The following PCBP2 variants were observed in gnomAD, a reference collection of about 807,000 sequenced individuals.
PCBP2 encodes the protein poly(rC)-binding protein 2.
In PCBP2, 4 loss-of-function variants were observed where a neutral mutation model predicts 50.1. The ratio of observed to expected loss-of-function variants is 0.08; its 90% CI spans 0.04 to 0.18. PCBP2 has a LOEUF of 0.18. Ranked by LOEUF, PCBP2 falls within the 10% of genes least tolerant of loss-of-function variation. PCBP2 has a pLI of 1.00. For missense variants in PCBP2, 161 were observed against 474.3 expected (o/e 0.34, Z 6.14); for synonymous variants, 179 against 168.0 (o/e 1.07, Z -0.51).
intron 14 of PCBP2, among the ~76,000 whole-genome samples, chr12:53,473,818 TC>T (rs2137113931): frequency 1.3e-5 from 2 of 152,252 alleles, no homozygotes; most frequent in South Asian, 4.2e-4. Flanking sequence ...TTTACTGGAT[TC>T]TGAGCATTTT....
chr12:53,476,258 A>G (rs950715559), intron 14 of PCBP2, among the ~76,000 whole-genome samples: 12 of 152,192 alleles, frequency 7.9e-5, no homozygotes, highest in African/African-American at 2.7e-4. Flanking sequence ...AGGAAGTGAC[A>G]TGCTTAGATT....
At chr12:53,466,096 T>C (rs1406022086) in intron 10 of PCBP2, 123 bp downstream of exon 10, 4 of 816,408 alleles carry the variant, frequency 4.9e-6, no homozygotes, top group East Asian at 2.4e-5. Flanking sequence ...TTAAGTTGTT[T>C]TCTTCACAAG....
rs781464109 is a variant in PCBP2 at position 53,462,498 on chromosome 12, C to G, written c.510C>G (p.Pro170=). 5.0e-6 allele frequency: 8 copies of G among 1,611,734 alleles called. No homozygotes were observed. The highest frequency in any genetic ancestry group is 5.9e-6 in the Non-Finnish European group (7 of 1,178,408). The change falls in exon 8 of 15, where the codon CCC becomes CCG. Residue 170 remains proline (P), a synonymous_variant. Transcript: ENST00000546463. ...KQICVVMLES[P]PKGVTIPYRP... is the part of the protein sequence containing the mutation. ...CCCCTCTGACTCTCTCCCAGTCCCC[C>G]CCGAAGGGCGTGACCATCCCGTACC...
rs748302414 is a variant in PCBP2, at chr12:53,464,377, A to G, written c.580-383A>G. The G allele has an allele frequency of 1.7e-4, 21 of 124,360 alleles. No homozygotes were observed. In the Admixed American group the frequency reaches 2.0e-3, roughly 12 times the overall value. 7.7% of individuals were successfully genotyped at this position (124,360 alleles called of 1,614,324 possible). On this transcript the variant is annotated intron_variant, in intron 8 of 14. Coordinates refer to ENST00000546463, the MANE Select transcript of PCBP2 (RefSeq NM_031989.5). ...CGTCTAAAAATTTGCAGCTTCTTCT[A>G]TGAGTGGCCCTGTCATGGATTGTTC...
chr12:53,467,941 T>G, intron 12 of PCBP2, 98 bp downstream of exon 12: 2 of 961,366 alleles, frequency 2.1e-6, no homozygotes, highest in Non-Finnish European at 3.3e-6. Flanking sequence ...ACCAGCAACA[T>G]GCACATGGCA....
rs1940571938 is a variant in PCBP2 at position 53,452,174 on chromosome 12, C to CCCGCCCGCCCTCCG, written c.-271_-258dup. ...CTCCCGCCCGCCCGCCCTCCGCCCG[C>CCCGCCCGCCCTCCG]CCGCCCGCCCTCCGCCGCCCTCCAC... is the stretch of plus-strand genomic sequence containing the variant. On this transcript the variant is annotated 5_prime_UTR_variant, in exon 1 of 15. Transcript: ENST00000546463. The CCCGCCCGCCCTCCG allele has an allele frequency of 7.0e-6, 1 of 142,698 alleles. No individual in the cohort carries two copies. Among genetic ancestry groups the CCCGCCCGCCCTCCG allele is most frequent in the Non-Finnish European group, 1.6e-5 (1 of 64,188 alleles). The allele number at this position is 142,698 out of a possible 1,614,324, so 8.8% of individuals were successfully genotyped here.
At chr12:53,463,189 T>TA (rs972376230) in intron 8 of PCBP2, among the ~76,000 whole-genome samples, 4 of 152,164 alleles carry the variant, frequency 2.6e-5, no homozygotes, top group Admixed American at 6.5e-5. Context: ...CCTTTGGTGT[T>TA]AGAGTAAGAA....
intron 14 of PCBP2, among the ~76,000 whole-genome samples, chr12:53,472,744 C>T (rs1014730913): frequency 1.2e-4 from 19 of 152,090 alleles, no homozygotes; most frequent in Admixed American, 4.6e-4. Flanking sequence ...TTGTACTGAC[C>T]ATGTATATAT....
intron 14 of PCBP2, chr12:53,474,786 A>C (rs1249279836): frequency 2.9e-6 from 1 of 348,502 alleles, no homozygotes; most frequent in Non-Finnish European, 5.7e-6. Context: ...TAACTGAAGC[A>C]GTTTTTGTCC....
intron 1 of PCBP2, chr12:53,452,862 G>C (rs1160919346): frequency 6.6e-6 from 1 of 152,138 alleles, no homozygotes; most frequent in Non-Finnish European, 1.5e-5. Flanking sequence ...GGGAAGGGGG[G>C]GCTTTTTTTC....
At chr12:53,458,064 G>A (rs1182781791) in intron 5 of PCBP2, among the ~76,000 whole-genome samples, 1 of 150,280 alleles carries the variant, frequency 6.7e-6, no homozygotes, top group African/African-American at 2.4e-5. Context: ...CAGTAGCTGG[G>A]ATTATAGGCG....
intron 2 of PCBP2, 76 bp downstream of exon 2, chr12:53,454,945 A>C: frequency 8.3e-7 from 1 of 1,209,170 alleles, no homozygotes; most frequent in Non-Finnish European, 1.2e-6. Context: ...TGCATCTTGG[A>C]GCTCATCAGA....
chr12:53,452,644 A>T (rs566027637), intron 1 of PCBP2, among the ~76,000 whole-genome samples: 69 of 127,596 alleles, frequency 5.4e-4, no homozygotes, highest in Non-Finnish European at 9.9e-4. Context: ...CGCGCGCGGT[A>T]GGGGGGGCGG....
chr12:53,468,801 C>G lies in PCBP2; in HGVS notation c.851C>G (p.Thr284Ser). ...GCAGGTTTGGATGCATCTGCTCAGA[C>G]TACTTCTCATGAACTCACCATTCCA... ...YWAGLDASAQTTSHELTIPND... is the reference protein window; with the variant it reads ...YWAGLDASAQSTSHELTIPND... Residue 284 changes from threonine (T) to serine (S), a missense_variant, in exon 13 of 15, where the codon ACT (threonine) becomes AGT (serine). Physicochemically the swap from Thr to Ser is moderately conservative, Grantham distance 58. This residue lies in a region of PCBP2 where 51 missense variants were observed against 193.0 expected (regional missense o/e 0.26). Coordinates refer to ENST00000546463, the MANE Select transcript of PCBP2 (RefSeq NM_031989.5). 1 of 1,613,672 alleles carries G rather than the reference C, an allele frequency of 6.2e-7. No homozygotes were observed. Among genetic ancestry groups the G allele is most frequent in the Non-Finnish European group, 8.5e-7 (1 of 1,179,640 alleles).
At chr12:53,476,333 AAT>A (rs1226462404) in intron 14 of PCBP2, among the ~76,000 whole-genome samples, 2 of 152,252 alleles carry the variant, frequency 1.3e-5, no homozygotes, top group African/African-American at 2.4e-5. Flanking sequence ...CAGATTAAAA[AAT>A]AGAGGCCCTA....
chr12:53,456,578 G>C (rs1462520280), intron 5 of PCBP2, among the ~76,000 whole-genome samples: 1 of 152,176 alleles, frequency 6.6e-6, no homozygotes, highest in East Asian at 1.9e-4. Context: ...TAAAAGGCTT[G>C]AGTATATACC....
At chr12:53,475,091 C>T (rs1353821355) in intron 14 of PCBP2, 2 of 456,546 alleles carry the variant, frequency 4.4e-6, no homozygotes, top group Non-Finnish European at 8.8e-6. Flanking sequence ...CCATCCCTCT[C>T]CTGGCTCTAA....
Position 53,452,144 on chromosome 12 carries a change from GC to G in PCBP2, c.-305del, listed in dbSNP as rs2137000986. The G allele has an allele frequency of 7.0e-6, 1 of 141,868 alleles. No individual in the cohort carries two copies. Among genetic ancestry groups the G allele is most frequent in the East Asian group, 2.1e-4 (1 of 4,786 alleles). 8.8% of individuals were successfully genotyped at this position (141,868 alleles called of 1,614,324 possible). A position where few individuals can be genotyped will look rare whatever the true frequency, so the allele number is the denominator to read the frequency against. ...AGCAGCCGGAGCAGCCGCAGCCTGCGCCCTCTCCCGCCCGCCCGCCCTCCGC... is the reference window on the plus strand; with the variant it reads ...AGCAGCCGGAGCAGCCGCAGCCTGCGCCTCTCCCGCCCGCCCGCCCTCCGC... On this transcript the variant is annotated 5_prime_UTR_variant, in exon 1 of 15. Coordinates refer to ENST00000546463, the MANE Select transcript of PCBP2 (RefSeq NM_031989.5).
At position 53,462,478 on chromosome 12, in the gene PCBP2, C is replaced by T. The variant is rs1053428523; in HGVS notation, c.505-15C>T. ...TTATCTCTTTTTGTTTTTTTCCCCT[C>T]TGACTCTCTCCCAGTCCCCCCCGAA... On this transcript the variant is annotated splice_polypyrimidine_tract_variant and intron_variant, in intron 7 of 14. Transcript: ENST00000546463. 2.5e-6 allele frequency: 4 copies of T among 1,604,474 alleles called. No homozygotes were observed. The highest frequency in any genetic ancestry group is 3.3e-4 in the Middle Eastern group (2 of 6,018).
Sources: allele counts gnomAD v4.1 joint callset (sites outside exome capture counted in the v4.1 genomes callset), GRCh38; gene constraint gnomAD v4.1.1; regional missense constraint gnomAD v4.1.1; transcripts MANE v1.5; gene names NCBI Gene and HGNC (gene_info 2026-07-23, HGNC 2026-07-21).